NUCKS1: variants seen among roughly 807,000 people sequenced by gnomAD.
NUCKS1 encodes the protein nuclear casein kinase and cyclin dependent kinase substrate 1, also known as nuclear ubiquitous casein and cyclin-dependent kinase substrate 1.
In NUCKS1, 2 loss-of-function variants were observed where a neutral mutation model predicts 33.0. The observed-to-expected ratio is 0.06, with a 90% confidence interval of 0.02 to 0.19. The LOEUF is 0.19. NUCKS1 is among the 10% of genes least tolerant of loss of function. The pLI, the probability that NUCKS1 is intolerant of heterozygous loss-of-function variation, is 1.00. For missense variants in NUCKS1, 201 were observed against 293.6 expected (o/e 0.68, Z 2.31); for synonymous variants, 106 against 102.8 (o/e 1.03, Z -0.19).
chr1:205,727,588 C>G (rs779955975), intron 3 of NUCKS1, 112 bp downstream of exon 3: 12 of 734,596 alleles, frequency 1.6e-5, no homozygotes, highest in Non-Finnish European at 2.4e-5. Flanking sequence ...ATTAAGTGGA[C>G]AGTAAGTACT....
At position 205,715,646 on chromosome 1, in the gene NUCKS1, C is replaced by G. The variant is rs1671809096; in HGVS notation, c.*2634G>C. 1 of 152,220 alleles carries G rather than the reference C, an allele frequency of 6.6e-6. No homozygotes were observed. Among genetic ancestry groups the G allele is most frequent in the Non-Finnish European group, 1.5e-5 (1 of 68,046 alleles). The allele number at this position is 152,220 out of a possible 1,614,324, so 9.4% of individuals were successfully genotyped here. ...TAGAATGTAGTGTCAGTCAGCATAG[C>G]TGCTGAAATCTACGTTGTAGAGGTA... On this transcript the variant is annotated 3_prime_UTR_variant, in exon 7 of 7. Transcript: ENST00000367142.
At chr1:205,731,877 AAGAG>A (rs1267054488) in intron 1 of NUCKS1, among the ~76,000 whole-genome samples, 4 of 151,460 alleles carry the variant, frequency 2.6e-5, no homozygotes, top group Non-Finnish European at 5.9e-5. Flanking sequence ...GCCTGGGCGA[AAGAG>A]AGAGACTCCG....
At chr1:205,746,699 C>A (rs1456698918) in intron 1 of NUCKS1, among the ~76,000 whole-genome samples, 4 of 152,144 alleles carry the variant, frequency 2.6e-5, no homozygotes, top group African/African-American at 9.7e-5. Context: ...GAAAAGAAAG[C>A]AAACTGGAAT....
At chr1:205,720,795 T>A in intron 4 of NUCKS1, 142 bp from the exon 5 acceptor site, 1 of 819,402 alleles carries the variant, frequency 1.2e-6, no homozygotes, top group South Asian at 2.0e-5. Context: ...ATCTGCAGCT[T>A]TATTTCATTG....
At position 205,718,018 on chromosome 1, in the gene NUCKS1, GA is replaced by G; in HGVS notation, c.*261del. The G allele has an allele frequency of 6.4e-6, 7 of 1,097,698 alleles. No homozygotes were observed. Among genetic ancestry groups the G allele is most frequent in the Non-Finnish European group, 7.7e-6 (7 of 905,626 alleles). The allele number at this position is 1,097,698 out of a possible 1,614,324, so 68.0% of individuals were successfully genotyped here. ...TGACATGGCTTTCATTGGGAAAGGG[GA>G]GGGCTGGCAAAGAGACCAATAGACA... On this transcript the variant is annotated 3_prime_UTR_variant, in exon 7 of 7. Transcript: ENST00000367142.
chr1:205,721,041 A>G (rs1018786304), intron 4 of NUCKS1, among the ~76,000 whole-genome samples: 1 of 150,710 alleles, frequency 6.6e-6, no homozygotes, highest in Non-Finnish European at 1.5e-5. Context: ...GTTCTCGCTT[A>G]TAAGTGGGAG....
chr1:205,737,266 A>C (rs550841705), intron 1 of NUCKS1, among the ~76,000 whole-genome samples: 1 of 152,296 alleles, frequency 6.6e-6, no homozygotes, highest in South Asian at 2.1e-4. Flanking sequence ...CATTCAGTGG[A>C]CTATATATTG....
In NUCKS1 at chr1:205,731,817, G is replaced by A. The variant is rs550650912; in HGVS notation, c.18-2196C>T. Among the ~76,000 whole-genome samples, 46 of 151,948 alleles carry A rather than the reference G, an allele frequency of 3.0e-4. 1 individual carries two copies. Among genetic ancestry groups the A allele is most frequent in the Admixed American group, 2.6e-3 (39 of 15,230 alleles). On this transcript the variant is annotated intron_variant, in intron 1 of 6. Coordinates refer to ENST00000367142, the MANE Select transcript of NUCKS1 (RefSeq NM_022731.5). ...TGAGGCAGGAGAATGGCTTGAACCC[G>A]GGAGGCAGAGCTCGCAGTGAGTGAG...
At position 205,716,884 on chromosome 1, in the gene NUCKS1, C is replaced by T. The variant is rs1299476157; in HGVS notation, c.*1396G>A. ...ACAGGCCTCCTAAAATGCCTTGTTT[C>T]TCTAGTCCCTCCTGCTTTAAGCAGC... On this transcript the variant is annotated 3_prime_UTR_variant, in exon 7 of 7. Coordinates refer to ENST00000367142, the MANE Select transcript of NUCKS1 (RefSeq NM_022731.5). 2.6e-5 allele frequency: 4 copies of T among 152,260 alleles called. No individual in the cohort carries two copies. Among genetic ancestry groups the T allele is most frequent in the African/African-American group, 9.6e-5 (4 of 41,550 alleles). The allele number at this position is 152,260 out of a possible 1,614,324, so 9.4% of individuals were successfully genotyped here. A position where few individuals can be genotyped will look rare whatever the true frequency, so the allele number is the denominator to read the frequency against.
intron 1 of NUCKS1, among the ~76,000 whole-genome samples, chr1:205,732,022 A>G (rs1425753915): frequency 6.6e-6 from 1 of 152,224 alleles, no homozygotes; most frequent in Non-Finnish European, 1.5e-5. Flanking sequence ...TCAGACTGCA[A>G]ACACTGGTCC....
Position 205,715,725 on chromosome 1 carries a change from T to G in NUCKS1, c.*2555A>C, listed in dbSNP as rs1308294325. The G allele has an allele frequency of 6.6e-6, 1 of 152,210 alleles. No individual in the cohort carries two copies. The highest frequency in any genetic ancestry group is 2.4e-5 in the African/African-American group (1 of 41,440). The allele number at this position is 152,210 out of a possible 1,614,324, so 9.4% of individuals were successfully genotyped here. A position where few individuals can be genotyped will look rare whatever the true frequency, so the allele number is the denominator to read the frequency against. On this transcript the variant is annotated 3_prime_UTR_variant, in exon 7 of 7. Coordinates refer to ENST00000367142, the MANE Select transcript of NUCKS1 (RefSeq NM_022731.5). ...CCTTCAAAGTTAACGTCCCACTTCC[T>G]GAGCACTGCAAAATACGACAGTGAA...
intron 1 of NUCKS1, among the ~76,000 whole-genome samples, chr1:205,732,694 T>C (rs551793743): frequency 7.0e-6 from 1 of 143,072 alleles, no homozygotes; most frequent in Non-Finnish European, 1.5e-5. Context: ...TGCAGGAGAA[T>C]TGCTTGAACC....
At chr1:205,731,364 C>A (rs1653904782) in intron 1 of NUCKS1, 1 of 152,216 alleles carries the variant, frequency 6.6e-6, no homozygotes, top group Non-Finnish European at 1.5e-5. Context: ...ATCTATTTGA[C>A]TCTAAATGAC....
At position 205,735,267 on chromosome 1, in the gene NUCKS1, C is replaced by T. The variant is rs145521161; in HGVS notation, c.18-5646G>A. Among the ~76,000 whole-genome samples, 418 of 152,288 alleles carry T rather than the reference C, an allele frequency of 2.7e-3. 1 individual carries two copies. Among genetic ancestry groups the T allele is most frequent in the Non-Finnish European group, 4.0e-3 (270 of 68,028 alleles). On this transcript the variant is annotated intron_variant, in intron 1 of 6. Transcript: ENST00000367142. Reference sequence around the variant, plus strand: ...CTATGTTTAGATATATAAATACCTACCATTGTGTTACAATTGCTTACAGTA... The same window carrying T: ...CTATGTTTAGATATATAAATACCTATCATTGTGTTACAATTGCTTACAGTA...
chr1:205,718,376 C>G lies in NUCKS1; in HGVS notation c.636G>C (p.Pro212=), dbSNP rs747901878. 1 of 1,613,606 alleles carries G rather than the reference C, an allele frequency of 6.2e-7. No homozygotes were observed. Among genetic ancestry groups the G allele is most frequent in the Admixed American group, 1.7e-5 (1 of 60,002 alleles). Residue 212 remains proline, a synonymous_variant, in exon 7 of 7, where the codon CCG becomes CCC. Transcript: ENST00000367142. ...TPSPKEEDEE[P]ESPPEKKTST... ...ATGTTTTCTTTTCTGGCGGGCTTTC[C>G]GGTTCCTCATCTTCTTCTTTGGGAG...
intron 2 of NUCKS1, among the ~76,000 whole-genome samples, chr1:205,728,021 A>G (rs1012188085): frequency 1.3e-5 from 2 of 152,194 alleles, no homozygotes; most frequent in African/African-American, 4.8e-5. Context: ...TCCTTATGAT[A>G]TATATTTCAT....
chr1:205,747,773 G>A (rs894945659), intron 1 of NUCKS1, among the ~76,000 whole-genome samples: 5 of 152,088 alleles, frequency 3.3e-5, no homozygotes, highest in African/African-American at 1.2e-4. Flanking sequence ...AATGCACTAA[G>A]GGAATATAGA....
At chr1:205,732,779 C>CAAAAAAAAAAAAAAAAAAAAAAAAAAA (rs59760552) in intron 1 of NUCKS1, among the ~76,000 whole-genome samples, 1 of 74,004 alleles carries the variant, frequency 1.4e-5, no homozygotes, top group African/African-American at 5.5e-5. Context: ...GACTCTGTCT[C>CAAAAAAAAAAAAAAAAAAAAAAAAAAA]AAAAAAAAAA....
rs913072389 is a variant in NUCKS1, at chr1:205,750,149, G to T, written c.-176C>A. The T allele has an allele frequency of 1.5e-6, 1 of 655,024 alleles. No individual in the cohort carries two copies. Among genetic ancestry groups the T allele is most frequent in the Non-Finnish European group, 2.7e-6 (1 of 374,182 alleles). 40.6% of individuals were successfully genotyped at this position (655,024 alleles called of 1,614,324 possible). ...TTGGTTCAGGGCTCCTGGAACAGAC[G>T]AGCCCCCCGCTCCCCCGTCTCTTCA... On this transcript the variant is annotated 5_prime_UTR_variant, in exon 1 of 7. Coordinates refer to ENST00000367142, the MANE Select transcript of NUCKS1 (RefSeq NM_022731.5).
Sources: allele counts gnomAD v4.1 joint callset (sites outside exome capture counted in the v4.1 genomes callset), GRCh38; gene constraint gnomAD v4.1.1; transcripts MANE v1.5; gene names NCBI Gene and HGNC (gene_info 2026-07-23, HGNC 2026-07-21).